Variants in ADAMTS6 observed in about 807,000 individuals in gnomAD.
ADAMTS6 encodes the protein ADAM metallopeptidase with thrombospondin type 1 motif 6, also known as A disintegrin and metalloproteinase with thrombospondin motifs 6.
A neutral mutation model predicts 144.3 loss-of-function variants in ADAMTS6; 23 were observed. The observed-to-expected ratio is 0.16, with a 90% CI of 0.11 to 0.23. The LOEUF is 0.23. ADAMTS6 is among the 10% of genes least tolerant of loss of function. The probability of loss-of-function intolerance (pLI) is 1.00; values close to 1 mark genes in which losing one functional copy is unlikely to be tolerated. For synonymous variants in ADAMTS6, 444 were observed against 457.5 expected (o/e 0.97, Z 0.38); for missense variants, 999 against 1,379.6 (o/e 0.72, Z 4.37).
chr5:65,458,678 G>A lies in ADAMTS6; in HGVS notation c.631+1492C>T, dbSNP rs537634676. 1.6e-4 allele frequency among the ~76,000 whole-genome samples: 25 copies of A among 152,272 alleles called. No individual in the cohort carries two copies. The East Asian group carries it at 4.6e-3, about 28-fold the overall frequency. On this transcript the variant is annotated intron_variant, in intron 4 of 24. Coordinates refer to ENST00000381055, the MANE Select transcript of ADAMTS6 (RefSeq NM_197941.4). ...GCCTGCCTCGGCCTCCCAAAGTGCT[G>A]GGATTACAGGCGTGAGCCACTGCAC...
At chr5:65,207,617 G>A (rs1441613559) in intron 20 of ADAMTS6, among the ~76,000 whole-genome samples, 1 of 152,100 alleles carries the variant, frequency 6.6e-6, no homozygotes, top group Non-Finnish European at 1.5e-5. Flanking sequence ...AGAAAAGTAG[G>A]GTAGAAAATT....
intron 18 of ADAMTS6, among the ~76,000 whole-genome samples, chr5:65,216,970 C>T (rs1409895357): frequency 6.6e-6 from 1 of 152,038 alleles, no homozygotes; most frequent in Non-Finnish European, 1.5e-5. Flanking sequence ...AACAAGTAGC[C>T]CAAAAGGACT....
chr5:65,269,524 T>A (rs775479690), intron 12 of ADAMTS6, among the ~76,000 whole-genome samples: 2 of 152,190 alleles, frequency 1.3e-5, no homozygotes, highest in African/African-American at 4.8e-5. Context: ...ATTGCTTTTT[T>A]ACTTTGCAAA....
chr5:65,418,235 T>A (rs1219585060), intron 7 of ADAMTS6, among the ~76,000 whole-genome samples: 1 of 152,204 alleles, frequency 6.6e-6, no homozygotes, highest in African/African-American at 2.4e-5. Context: ...ATTAAAATTT[T>A]AAATGTAAGA....
chr5:65,162,075 A>T (rs1489559956), intron 24 of ADAMTS6, among the ~76,000 whole-genome samples: 1 of 152,234 alleles, frequency 6.6e-6, no homozygotes, highest in African/African-American at 2.4e-5. Flanking sequence ...AGAAACCTCA[A>T]ATTAACACGT....
chr5:65,475,178 C>G (rs1760757249), intron 1 of ADAMTS6, among the ~76,000 whole-genome samples: 2 of 151,978 alleles, frequency 1.3e-5, no homozygotes, highest in South Asian at 4.2e-4. Context: ...TCACTTTAGG[C>G]ATATAAAAAG....
chr5:65,200,610 G>A (rs1357657248), intron 20 of ADAMTS6, among the ~76,000 whole-genome samples: 1 of 152,282 alleles, frequency 6.6e-6, no homozygotes, highest in East Asian at 1.9e-4. Context: ...TAGTGGCTTA[G>A]TGTCCAGATC....
intron 24 of ADAMTS6, among the ~76,000 whole-genome samples, chr5:65,158,859 A>C (rs1351129539): frequency 6.6e-6 from 1 of 152,044 alleles, no homozygotes; most frequent in Non-Finnish European, 1.5e-5. Context: ...ATTTTTTGAA[A>C]CCCTGCTTCT....
chr5:65,474,416 T>C (rs1426399483), intron 1 of ADAMTS6, among the ~76,000 whole-genome samples: 1 of 152,040 alleles, frequency 6.6e-6, no homozygotes, highest in Non-Finnish European at 1.5e-5. Context: ...AAAGTAGATC[T>C]ACAAATAGTG....
At chr5:65,173,124 G>T (rs1753737299) in intron 22 of ADAMTS6, 116 bp from the exon 23 acceptor site, 1 of 992,210 alleles carries the variant, frequency 1.0e-6, no homozygotes. Context: ...CATATACTAA[G>T]TTCTAGGCAA....
At chr5:65,377,455 T>C (rs1484888821) in intron 7 of ADAMTS6, among the ~76,000 whole-genome samples, 2 of 152,194 alleles carry the variant, frequency 1.3e-5, no homozygotes, top group African/African-American at 4.8e-5. Context: ...CCTAAAAGGA[T>C]ATGCAGAGCA....
At chr5:65,312,883 T>C (rs58970942) in intron 9 of ADAMTS6, among the ~76,000 whole-genome samples, 10,864 of 151,896 alleles carry the variant, frequency 0.072, 572 homozygotes, top group African/African-American at 0.14. Context: ...ATAATAGTCA[T>C]TGCAAAGATA....
intron 10 of ADAMTS6, chr5:65,297,083 C>A: frequency 2.5e-6 from 1 of 400,998 alleles, no homozygotes; most frequent in South Asian, 1.9e-5. Flanking sequence ...AAATCAGTCC[C>A]GCAGGCAGAT....
intron 9 of ADAMTS6, among the ~76,000 whole-genome samples, chr5:65,327,612 A>G (rs1188578339): frequency 1.3e-5 from 2 of 152,228 alleles, no homozygotes; most frequent in Non-Finnish European, 2.9e-5. Context: ...CTCTTTCACA[A>G]TTTTTCTACA....
chr5:65,154,895 C>T (rs1752326503), intron 24 of ADAMTS6, among the ~76,000 whole-genome samples: 1 of 152,150 alleles, frequency 6.6e-6, no homozygotes, highest in African/African-American at 2.4e-5. Context: ...AGCAAAATAT[C>T]AGAAAGCTAT....
intron 24 of ADAMTS6, among the ~76,000 whole-genome samples, chr5:65,156,438 A>G (rs911838721): frequency 6.6e-6 from 1 of 152,216 alleles, no homozygotes; most frequent in Non-Finnish European, 1.5e-5. Flanking sequence ...CACATATCCC[A>G]TTGAAATTAA....
Position 65,242,218 on chromosome 5 carries a change from T to C in ADAMTS6, c.1831-12A>G. On this transcript the variant is annotated splice_polypyrimidine_tract_variant and intron_variant, in intron 14 of 24. Coordinates refer to ENST00000381055, the MANE Select transcript of ADAMTS6 (RefSeq NM_197941.4). Reference sequence around the variant, plus strand: ...CCCAAAGGGCATGGCTAAAATAAAATAAAATCATAAATGGTACCATTGTTG... The same window carrying C: ...CCCAAAGGGCATGGCTAAAATAAAACAAAATCATAAATGGTACCATTGTTG... 2 of 1,580,380 alleles carry C rather than the reference T, an allele frequency of 1.3e-6. No individual in the cohort carries two copies. Among genetic ancestry groups the C allele is most frequent in the Non-Finnish European group, 1.7e-6 (2 of 1,158,566 alleles).
chr5:65,362,523 G>A (rs1417152573), intron 7 of ADAMTS6, among the ~76,000 whole-genome samples: 1 of 151,812 alleles, frequency 6.6e-6, no homozygotes, highest in Non-Finnish European at 1.5e-5. Flanking sequence ...CTCTGAGACT[G>A]TTTCTTAAAA....
intron 7 of ADAMTS6, among the ~76,000 whole-genome samples, chr5:65,385,117 C>A (rs1752381476): frequency 2.0e-5 from 3 of 152,188 alleles, no homozygotes; most frequent in African/African-American, 7.2e-5. Context: ...ACCTTGGATA[C>A]TGGGTTTCAA....
Sources: allele counts gnomAD v4.1 joint callset (sites outside exome capture counted in the v4.1 genomes callset), GRCh38; gene constraint gnomAD v4.1.1; transcripts MANE v1.5; gene names NCBI Gene and HGNC (gene_info 2026-07-23, HGNC 2026-07-21).